The following STX18 variants were observed in gnomAD, a reference collection of about 807,000 sequenced individuals.
STX18 encodes the protein syntaxin 18.
STX18 carries 40 observed loss-of-function variants against 50.1 expected under a neutral mutation model. The ratio of observed to expected loss-of-function variants is 0.80; its 90% confidence interval spans 0.62 to 1.04. The LOEUF (loss-of-function observed/expected upper bound fraction) is 1.04. STX18 is among the 50% of genes least tolerant of loss of function. The pLI is 0.00. For synonymous variants in STX18, 158 were observed against 151.8 expected (o/e 1.04, Z -0.30); for missense variants, 410 against 415.8 (o/e 0.99, Z 0.12).
rs1018339565 is a variant in STX18 at position 4,434,834 on chromosome 4, G to C, written c.638C>G (p.Pro213Arg). ...RPEKILAETQ[P>R]ELGTWGDGKG... is the part of the protein sequence containing the mutation. ...GCCATCTCCCCACGTTCCCAATTCA[G>C]GTTGTGTTTCAGCCAAAATTTTTTC... is the stretch of plus-strand genomic sequence containing the variant. The change falls in exon 7 of 11, where the codon CCT becomes CGT. Residue 213 changes from proline to arginine, a missense_variant. Physicochemically the swap from Pro to Arg is moderately radical, Grantham distance 103 (BLOSUM62 -2). Transcript: ENST00000306200. 6.2e-7 allele frequency: 1 copy of C among 1,601,018 alleles called. No homozygotes were observed. The highest frequency in any genetic ancestry group is 8.5e-7 in the Non-Finnish European group (1 of 1,176,364).
chr4:4,492,286 A>G (rs1371949960), intron 1 of STX18, among the ~76,000 whole-genome samples: 1 of 152,180 alleles, frequency 6.6e-6, no homozygotes, highest in East Asian at 1.9e-4. Context: ...TTTCGAACAG[A>G]AAGAATTTTC....
At chr4:4,483,300 C>A (rs930274750) in intron 1 of STX18, among the ~76,000 whole-genome samples, 1 of 152,068 alleles carries the variant, frequency 6.6e-6, no homozygotes, top group African/African-American at 2.4e-5. Context: ...ACACAAAGAA[C>A]TCATGATTTA....
At chr4:4,502,219 G>A (rs778507300) in intron 1 of STX18, among the ~76,000 whole-genome samples, 2 of 152,070 alleles carry the variant, frequency 1.3e-5, no homozygotes, top group South Asian at 2.1e-4. Context: ...TTAATTTGGT[G>A]AAAATTACAT....
chr4:4,468,724 A>C (rs1039477120), intron 2 of STX18, among the ~76,000 whole-genome samples: 7 of 152,154 alleles, frequency 4.6e-5, no homozygotes, highest in African/African-American at 9.7e-5. Flanking sequence ...GTTTATTTTA[A>C]GGCTGAGCAT....
chr4:4,471,316 C>T (rs894379158), intron 2 of STX18, among the ~76,000 whole-genome samples: 2 of 152,184 alleles, frequency 1.3e-5, no homozygotes, highest in African/African-American at 4.8e-5. Flanking sequence ...TGTTCTTCCA[C>T]AGGTTGAGGG....
chr4:4,420,662 T>G lies in STX18; in HGVS notation c.912+202A>C. 1.7e-6 allele frequency: 1 copy of G among 576,378 alleles called. No homozygotes were observed. The highest frequency in any genetic ancestry group is 2.1e-5 in the South Asian group (1 of 46,696). The allele number at this position is 576,378 out of a possible 1,614,324, so 35.7% of individuals were successfully genotyped here. On this transcript the variant is annotated intron_variant, in intron 10 of 10. Transcript: ENST00000306200. This position sits in a 1 kb window ranked among gnomAD's most constrained non-coding sequence, Gnocchi z 4.3. The stretch of plus-strand genomic sequence containing the variant: ...GCTCCTTTGGAGGCTGGTGAGCCAC[T>G]GCCTCTCGAAAGCAGCTGGAGGTGG...
chr4:4,535,959 G>C (rs755872625), intron 1 of STX18, among the ~76,000 whole-genome samples: 4 of 152,176 alleles, frequency 2.6e-5, no homozygotes, highest in Non-Finnish European at 4.4e-5. Context: ...AGTCAACACT[G>C]CCTCTGAAAA....
In STX18 at chr4:4,440,950, A is replaced by C. The variant is rs114778179; in HGVS notation, c.498-2441T>G. ...AGGAGGGTGCAGTTAGAAGGCAACT[A>C]GGGCTGCAGTCATCTGAAGGGCTGA... On this transcript the variant is annotated intron_variant, in intron 5 of 10. Coordinates refer to ENST00000306200, the MANE Select transcript of STX18 (RefSeq NM_016930.4). 7.2e-3 allele frequency among the ~76,000 whole-genome samples: 1,094 copies of C among 152,246 alleles called. 10 individuals are homozygous for C. The highest frequency in any genetic ancestry group is 0.023 in the African/African-American group (976 of 41,550).
At chr4:4,542,189 C>G (rs62636563), upstream of STX18, 2,625 of 513,068 alleles carry the variant, frequency 5.1e-3, 65 homozygotes, top group African/African-American at 0.048. Context: ...GCGACGCGCT[C>G]TCGGGCATCG....
At chr4:4,474,777 T>C (rs563585704) in intron 1 of STX18, among the ~76,000 whole-genome samples, 54 of 152,308 alleles carry the variant, frequency 3.5e-4, no homozygotes, top group African/African-American at 1.3e-3. Flanking sequence ...GGCAGGGCAA[T>C]GGGCCTTCCT....
chr4:4,472,903 T>C (rs1196314687), intron 1 of STX18, among the ~76,000 whole-genome samples: 3 of 152,210 alleles, frequency 2.0e-5, no homozygotes, highest in African/African-American at 7.2e-5. Flanking sequence ...ACTCTTATTA[T>C]AAATGTGATT....
intron 1 of STX18, among the ~76,000 whole-genome samples, chr4:4,472,441 C>T (rs1727969993): frequency 6.6e-6 from 1 of 152,204 alleles, no homozygotes; most frequent in African/African-American, 2.4e-5. Flanking sequence ...CAGTGGCCTG[C>T]TGGTCCTCTG....
At chr4:4,513,340 T>A (rs915210615) in intron 1 of STX18, among the ~76,000 whole-genome samples, 2 of 151,656 alleles carry the variant, frequency 1.3e-5, no homozygotes, top group Non-Finnish European at 2.9e-5. Context: ...CCAGTAGAAG[T>A]AGACTCAAGC....
At chr4:4,497,194 G>A (rs1360651065) in intron 1 of STX18, among the ~76,000 whole-genome samples, 8 of 152,172 alleles carry the variant, frequency 5.3e-5, no homozygotes, top group Admixed American at 5.2e-4. Flanking sequence ...CCAGTACAAG[G>A]TCTCCTTGGT....
chr4:4,541,983 C>A lies in STX18; in HGVS notation c.-19G>T, dbSNP rs775076589. The A allele has an allele frequency of 8.8e-6, 14 of 1,587,524 alleles. No individual in the cohort carries two copies. The African/African-American group carries it at 1.8e-4, about 20-fold the overall frequency. On this transcript the variant is annotated 5_prime_UTR_variant, in exon 1 of 11. Transcript: ENST00000306200. ...CCGCCATAGCGACCCGCACCCTCAG[C>A]CCCACACTAGGCCCGCCCACGTAAG...
At chr4:4,510,870 G>A (rs1577389075) in intron 1 of STX18, among the ~76,000 whole-genome samples, 1 of 152,184 alleles carries the variant, frequency 6.6e-6, no homozygotes, top group Non-Finnish European at 1.5e-5. Context: ...GGATGAAGCT[G>A]GAAGCCATCA....
chr4:4,488,863 A>G (rs780404605), intron 1 of STX18, among the ~76,000 whole-genome samples: 4 of 152,176 alleles, frequency 2.6e-5, no homozygotes, highest in Non-Finnish European at 5.9e-5. Flanking sequence ...CTCACCATCA[A>G]AACTGTTACC....
chr4:4,468,893 T>C (rs1056282741), intron 2 of STX18, among the ~76,000 whole-genome samples: 1 of 152,130 alleles, frequency 6.6e-6, no homozygotes, highest in African/African-American at 2.4e-5. Context: ...CTCTATTAGA[T>C]AAATGGATAA....
At chr4:4,514,409 A>G (rs1730142293) in intron 1 of STX18, among the ~76,000 whole-genome samples, 1 of 152,232 alleles carries the variant, frequency 6.6e-6, no homozygotes, top group South Asian at 2.1e-4. Flanking sequence ...GAAATTTTAA[A>G]AAGTTCTATC....
Sources: gnomAD v4.1 joint callset for allele counts (sites outside exome capture counted in the v4.1 genomes callset) on GRCh38, gnomAD v4.1.1 for gene constraint, Gnocchi (gnomAD v3.1) non-coding constraint, MANE v1.5 for transcripts, NCBI Gene and HGNC (gene_info 2026-07-23, HGNC 2026-07-21) for gene names.